The following GNB4 variants were observed in gnomAD, a reference collection of about 807,000 sequenced individuals.
The protein encoded by GNB4 is G protein subunit beta 4.
A neutral mutation model predicts 45.2 loss-of-function variants in GNB4; 28 were observed. The observed-to-expected ratio is 0.62, with a 90% CI of 0.46 to 0.85. The LOEUF (loss-of-function observed/expected upper bound fraction) is 0.85, where lower values mean the gene tolerates loss of function less well. GNB4 is among the 40% of genes least tolerant of loss of function. The probability of loss-of-function intolerance (pLI) is 0.00; values close to 1 mark genes in which losing one functional copy is unlikely to be tolerated. For missense variants in GNB4, 321 were observed against 425.4 expected (o/e 0.75, Z 2.16); for synonymous variants, 132 against 143.7 (o/e 0.92, Z 0.58).
upstream of GNB4, among the ~76,000 whole-genome samples, chr3:179,452,845 T>G (rs1715918872): frequency 1.3e-5 from 2 of 152,326 alleles, no homozygotes; most frequent in East Asian, 1.9e-4. Context: ...GACATGAGTG[T>G]TTTGCATCTG....
chr3:179,486,144 G>C, the GNB4 span, among the ~76,000 whole-genome samples: 1 of 149,562 alleles, frequency 6.7e-6, no homozygotes, highest in Admixed American at 6.7e-5. Flanking sequence ...ACTGCTTGAC[G>C]TGGGAGGCAG....
chr3:179,490,810 C>A, the GNB4 span, among the ~76,000 whole-genome samples: 8 of 152,308 alleles, frequency 5.3e-5, no homozygotes, highest in African/African-American at 1.9e-4. Context: ...TGCCAATCTC[C>A]TTTGGAAACA....
chr3:179,450,457 T>C (rs1453622934), intron 1 of GNB4, among the ~76,000 whole-genome samples: 1 of 152,164 alleles, frequency 6.6e-6, no homozygotes, highest in African/African-American at 2.4e-5. Flanking sequence ...AAAGTTCTAA[T>C]CAACAATTAA....
intron 1 of GNB4, among the ~76,000 whole-genome samples, chr3:179,434,842 A>T (rs992793289): frequency 2.6e-5 from 4 of 152,116 alleles, no homozygotes; most frequent in Non-Finnish European, 1.5e-5. Context: ...TGAACCCAGG[A>T]GTTCAAGGCT....
the GNB4 span, among the ~76,000 whole-genome samples, chr3:179,476,534 G>T: frequency 1.3e-5 from 2 of 152,192 alleles, no homozygotes; most frequent in East Asian, 1.9e-4. Context: ...ATTGCTCTAG[G>T]GGGGACCCTC....
chr3:179,459,008 T>G, the GNB4 span, among the ~76,000 whole-genome samples: 1 of 152,340 alleles, frequency 6.6e-6, no homozygotes, highest in South Asian at 2.1e-4. Flanking sequence ...AACTTCACAT[T>G]AATTAACCTC....
At chr3:179,487,852 C>T in the GNB4 span, among the ~76,000 whole-genome samples, 4 of 152,030 alleles carry the variant, frequency 2.6e-5, no homozygotes, top group Admixed American at 6.6e-5. Flanking sequence ...GGATTTGAGA[C>T]CAGCCTGCCC....
upstream of GNB4, among the ~76,000 whole-genome samples, chr3:179,451,835 G>T (rs908997664): frequency 1.3e-5 from 2 of 152,168 alleles, no homozygotes; most frequent in Non-Finnish European, 1.5e-5. Flanking sequence ...TTGTTAGCAG[G>T]ATCGAAGGGC....
the GNB4 span, among the ~76,000 whole-genome samples, chr3:179,496,498 A>G: frequency 6.6e-6 from 1 of 152,182 alleles, no homozygotes; most frequent in Non-Finnish European, 1.5e-5. Flanking sequence ...ACTCATCAAC[A>G]ATTATTTTAA....
the GNB4 span, among the ~76,000 whole-genome samples, chr3:179,511,631 G>A: frequency 6.6e-6 from 1 of 152,064 alleles, no homozygotes; most frequent in South Asian, 2.1e-4. Flanking sequence ...CTAGAAAAGT[G>A]AAATAACTGT....
At chr3:179,520,018 T>A in the GNB4 span, among the ~76,000 whole-genome samples, 2 of 152,124 alleles carry the variant, frequency 1.3e-5, no homozygotes, top group African/African-American at 4.8e-5. Context: ...ACCAAATTGT[T>A]TTTTGCCTAT....
the GNB4 span, among the ~76,000 whole-genome samples, chr3:179,505,672 T>C: frequency 6.6e-6 from 1 of 152,230 alleles, no homozygotes; most frequent in African/African-American, 2.4e-5. Context: ...AACTTGATTC[T>C]GTTATTTGCT....
At chr3:179,474,378 C>A in the GNB4 span, among the ~76,000 whole-genome samples, 1 of 152,090 alleles carries the variant, frequency 6.6e-6, no homozygotes, top group Non-Finnish European at 1.5e-5. Context: ...CACACGCCAC[C>A]ATGCCTGGCT....
chr3:179,462,272 T>C, the GNB4 span, among the ~76,000 whole-genome samples: 1 of 152,192 alleles, frequency 6.6e-6, no homozygotes, highest in Non-Finnish European at 1.5e-5. Context: ...GGTTTGCCCA[T>C]AGAACACATC....
chr3:179,404,479 C>A (rs956254870), intron 9 of GNB4, among the ~76,000 whole-genome samples: 2 of 151,878 alleles, frequency 1.3e-5, no homozygotes, highest in African/African-American at 4.8e-5. Context: ...GAGGCTGAGG[C>A]GGGAAGAAAC....
chr3:179,412,606 C>T (rs1200629050), intron 8 of GNB4, among the ~76,000 whole-genome samples: 1 of 152,086 alleles, frequency 6.6e-6, no homozygotes, highest in Non-Finnish European at 1.5e-5. Context: ...CTGAGGTTCA[C>T]GAAGATGAAG....
the GNB4 span, among the ~76,000 whole-genome samples, chr3:179,489,510 A>G: frequency 1.3e-5 from 2 of 152,116 alleles, no homozygotes; most frequent in Non-Finnish European, 2.9e-5. Context: ...GCATGGTTGT[A>G]CATGTCTATA....
chr3:179,421,142 G>A (rs1053065142), intron 2 of GNB4, among the ~76,000 whole-genome samples: 1 of 152,096 alleles, frequency 6.6e-6, no homozygotes, highest in African/African-American at 2.4e-5. Flanking sequence ...ACAATGTTGT[G>A]TGACCATCAC....
chr3:179,517,503 C>T, the GNB4 span, among the ~76,000 whole-genome samples: 6 of 152,228 alleles, frequency 3.9e-5, no homozygotes, highest in African/African-American at 1.2e-4. Flanking sequence ...TGACTCGGAT[C>T]GGGGGACCTC....
Sources: gnomAD v4.1 joint callset for allele counts (sites outside exome capture counted in the v4.1 genomes callset) on GRCh38, gnomAD v4.1.1 for gene constraint, MANE v1.5 for transcripts, NCBI Gene and HGNC (gene_info 2026-07-23, HGNC 2026-07-21) for gene names.